CAV1: variants seen among roughly 807,000 people sequenced by gnomAD.
CAV1 encodes caveolin 1.
CAV1 carries 10 observed loss-of-function variants against 16.5 expected under a neutral mutation model. That is an observed-to-expected ratio of 0.61 (90% CI 0.37 to 1.03). The LOEUF is 1.03. Ranked by LOEUF, CAV1 falls within the 50% of genes least tolerant of loss-of-function variation. CAV1 has a pLI of 0.01. For missense variants in CAV1, 212 were observed against 232.8 expected (o/e 0.91, Z 0.58); for synonymous variants, 76 against 85.1 (o/e 0.89, Z 0.59).
intron 2 of CAV1, among the ~76,000 whole-genome samples, chr7:116,527,679 A>G (rs1793596098): frequency 1.3e-5 from 2 of 152,196 alleles, no homozygotes; most frequent in African/African-American, 4.8e-5. Flanking sequence ...GGCTAAGGAA[A>G]AATCCTGGCT....
intron 2 of CAV1, among the ~76,000 whole-genome samples, chr7:116,532,378 G>A (rs1443335409): frequency 6.6e-6 from 1 of 152,164 alleles, no homozygotes; most frequent in African/African-American, 2.4e-5. Context: ...TCTTTGTGAT[G>A]GAATGACCAG....
At chr7:116,557,135 G>A (rs1794308396) in intron 2 of CAV1, among the ~76,000 whole-genome samples, 1 of 152,156 alleles carries the variant, frequency 6.6e-6, no homozygotes, top group African/African-American at 2.4e-5. Flanking sequence ...CCAAATGGGT[G>A]AAGAAAAATG....
intron 2 of CAV1, among the ~76,000 whole-genome samples, chr7:116,538,248 C>T (rs190745551): frequency 1.3e-5 from 2 of 152,296 alleles, no homozygotes; most frequent in African/African-American, 2.4e-5. Context: ...TATGGCAAAT[C>T]GTTTCTCTGA....
At chr7:116,544,831 G>A (rs1794008530) in intron 2 of CAV1, among the ~76,000 whole-genome samples, 1 of 152,142 alleles carries the variant, frequency 6.6e-6, no homozygotes, top group Admixed American at 6.5e-5. Context: ...ACCCTTCCTT[G>A]GTAATAATTC....
Position 116,546,173 on chromosome 7 carries a change from C to T in CAV1, c.196-12773C>T, listed in dbSNP as rs551491174. ...CTGTTCAGTGTCACTTGTTTGGTAACACTCAACATCAACATGTGCTACCAA... is the reference window on the plus strand; with the variant it reads ...CTGTTCAGTGTCACTTGTTTGGTAATACTCAACATCAACATGTGCTACCAA... On this transcript the variant is annotated intron_variant, in intron 2 of 2. Coordinates refer to ENST00000341049, the MANE Select transcript of CAV1 (RefSeq NM_001753.5). Among the ~76,000 whole-genome samples the T allele has an allele frequency of 4.3e-4, 66 of 152,290 alleles. 1 individual carries two copies. In the South Asian group the frequency reaches 0.013, roughly 31 times the overall value.
At chr7:116,547,730 A>T (rs1794083150) in intron 2 of CAV1, among the ~76,000 whole-genome samples, 1 of 152,152 alleles carries the variant, frequency 6.6e-6, no homozygotes. Flanking sequence ...TACTGACATC[A>T]CTAACACCTC....
intron 2 of CAV1, among the ~76,000 whole-genome samples, chr7:116,550,708 A>C (rs1370494398): frequency 6.6e-6 from 1 of 152,232 alleles, no homozygotes; most frequent in East Asian, 1.9e-4. Context: ...AAATTGGTCT[A>C]AACTCTGTAT....
chr7:116,558,358 T>C (rs2116111202), intron 2 of CAV1, among the ~76,000 whole-genome samples: 2 of 152,324 alleles, frequency 1.3e-5, no homozygotes, highest in South Asian at 4.1e-4. Flanking sequence ...GCTGTAGTTC[T>C]CAACCTTTTG....
intron 2 of CAV1, among the ~76,000 whole-genome samples, chr7:116,543,278 A>T (rs1185285339): frequency 6.6e-6 from 1 of 152,224 alleles, no homozygotes; most frequent in East Asian, 1.9e-4. Context: ...ACAAAGAGAC[A>T]GTGGAAGACC....
Position 116,525,179 on chromosome 7 carries a change from C to T in CAV1, c.30+87C>T, listed in dbSNP as rs45498702. ...CCTCTCCAAATATCCCGACTGCTGC[C>T]CTGGCCCCAGCCCTCTCTCCACTTC... On this transcript the variant is annotated intron_variant, in intron 1 of 2. Coordinates refer to ENST00000341049, the MANE Select transcript of CAV1 (RefSeq NM_001753.5). 83,929 of 1,613,894 alleles carry T rather than the reference C, an allele frequency of 0.052. 2,568 individuals carry two copies. Among genetic ancestry groups the T allele is most frequent in the South Asian group, 0.086 (7,802 of 91,080 alleles).
Position 116,560,169 on chromosome 7 carries a change from T to G in CAV1, c.*882T>G, listed in dbSNP as rs1285756080. ...TTGACACTAGCCCAATGAAATGAAT[T>G]AAAGTGGACCAATAGGGCTGAGCTC... On this transcript the variant is annotated 3_prime_UTR_variant, in exon 3 of 3. Transcript: ENST00000341049. The G allele has an allele frequency of 4.2e-6, 1 of 236,100 alleles. No individual in the cohort carries two copies. The highest frequency in any genetic ancestry group is 8.1e-6 in the Non-Finnish European group (1 of 122,868). The allele number at this position is 236,100 out of a possible 1,614,324, so 14.6% of individuals were successfully genotyped here.
chr7:116,543,560 G>A (rs1268489024), intron 2 of CAV1, among the ~76,000 whole-genome samples: 2 of 152,198 alleles, frequency 1.3e-5, no homozygotes, highest in African/African-American at 4.8e-5. Flanking sequence ...TCTGTTCTAA[G>A]ATGGATCAGA....
chr7:116,536,525 A>C (rs929111722), intron 2 of CAV1, among the ~76,000 whole-genome samples: 3 of 152,178 alleles, frequency 2.0e-5, no homozygotes, highest in African/African-American at 4.8e-5. Flanking sequence ...GTCCCAGCAG[A>C]GGGAGCAACA....
At chr7:116,539,169 ACCT>A (rs1425410277) in intron 2 of CAV1, among the ~76,000 whole-genome samples, 1 of 151,810 alleles carries the variant, frequency 6.6e-6, no homozygotes, top group Non-Finnish European at 1.5e-5. Context: ...TGACATCTGG[ACCT>A]CCTCAGAATC....
intron 2 of CAV1, among the ~76,000 whole-genome samples, chr7:116,538,855 C>T (rs1439324997): frequency 1.3e-5 from 2 of 152,118 alleles, no homozygotes; most frequent in Admixed American, 6.5e-5. Context: ...GCAGACAAGA[C>T]AGAATTGAGA....
intron 2 of CAV1, among the ~76,000 whole-genome samples, chr7:116,555,394 A>C (rs868448547): frequency 1.3e-5 from 2 of 149,930 alleles, no homozygotes. Context: ...GGCAGTGATC[A>C]TGCCGCTGCA....
chr7:116,553,775 G>A (rs150748802), intron 2 of CAV1, among the ~76,000 whole-genome samples: 65 of 152,258 alleles, frequency 4.3e-4, no homozygotes, highest in African/African-American at 1.5e-3. Context: ...GGGAGTGATC[G>A]TTTCAATGAG....
intron 2 of CAV1, among the ~76,000 whole-genome samples, 179 bp from the exon 3 acceptor site, chr7:116,558,767 G>T (rs571830724): frequency 6.6e-6 from 1 of 151,918 alleles, no homozygotes; most frequent in South Asian, 2.1e-4. Context: ...AAATAAAAAT[G>T]AAAAAAATCT....
At chr7:116,546,229 A>G (rs909242524) in intron 2 of CAV1, among the ~76,000 whole-genome samples, 8 of 152,156 alleles carry the variant, frequency 5.3e-5, no homozygotes, top group Non-Finnish European at 4.4e-5. Flanking sequence ...AAGAATCAAG[A>G]TATGTACAGC....
Sources: gnomAD v4.1 joint callset for allele counts (sites outside exome capture counted in the v4.1 genomes callset) on GRCh38, gnomAD v4.1.1 for gene constraint, MANE v1.5 for transcripts, NCBI Gene and HGNC (gene_info 2026-07-23, HGNC 2026-07-21) for gene names.